Variants in ROBO1 observed in about 807,000 individuals in gnomAD.
The protein encoded by ROBO1 is roundabout guidance receptor 1.
Under a neutral mutation model 195.9 loss-of-function variants are expected in ROBO1, and 149 were observed. That is an observed-to-expected ratio of 0.76 (90% CI 0.67 to 0.87). The LOEUF (loss-of-function observed/expected upper bound fraction) is 0.87, where lower values mean the gene tolerates loss of function less well. ROBO1 is among the 40% of genes least tolerant of loss of function. The pLI, the probability that ROBO1 is intolerant of heterozygous loss-of-function variation, is 0.00. For synonymous variants in ROBO1, 816 were observed against 733.2 expected, an observed-to-expected ratio of 1.11 and a Z score of -1.82; for missense variants, 1,933 against 2,068.3, an observed-to-expected ratio of 0.93 and a Z score of 1.27.
chr3:79,364,238 A>ATG (rs2035879722), intron 2 of ROBO1, among the ~76,000 whole-genome samples: 1 of 145,734 alleles, frequency 6.9e-6, no homozygotes, highest in Admixed American at 6.8e-5. Context: ...GTGTGTGTGT[A>ATG]TATATATATA....
Position 78,943,133 on chromosome 3 carries a change from G to A in ROBO1, c.173-4206C>T, listed in dbSNP as rs184474999. ...CGAGAGGCTGAGGCAGGAGAATGGCGTGAACCTGGGAGGCGGAGCTTACAG... is the reference window on the plus strand; with the variant it reads ...CGAGAGGCTGAGGCAGGAGAATGGCATGAACCTGGGAGGCGGAGCTTACAG... On this transcript the variant is annotated intron_variant, in intron 3 of 30. Transcript: ENST00000464233. 5.9e-5 allele frequency among the ~76,000 whole-genome samples: 9 copies of A among 152,018 alleles called. No individual in the cohort carries two copies. The East Asian group carries it at 7.8e-4, about 13-fold the overall frequency.
intron 2 of ROBO1, among the ~76,000 whole-genome samples, chr3:79,559,454 G>C (rs1283641874): frequency 2.0e-5 from 3 of 151,994 alleles, no homozygotes; most frequent in African/African-American, 7.3e-5. Flanking sequence ...AATGCTCTTG[G>C]GCAAAGATTC....
intron 3 of ROBO1, among the ~76,000 whole-genome samples, chr3:78,982,065 A>G (rs947462820): frequency 6.6e-6 from 1 of 152,126 alleles, no homozygotes; most frequent in Non-Finnish European, 1.5e-5. Flanking sequence ...GCATAATTAG[A>G]CAACCTTTGT....
intron 2 of ROBO1, among the ~76,000 whole-genome samples, chr3:79,173,398 G>C (rs1368666268): frequency 4.6e-5 from 7 of 152,118 alleles, no homozygotes; most frequent in Non-Finnish European, 7.4e-5. Context: ...GCGAGTTCCA[G>C]GTGGGTGTGG....
At chr3:78,919,619 T>C (rs374309903) in intron 4 of ROBO1, among the ~76,000 whole-genome samples, 6 of 152,366 alleles carry the variant, frequency 3.9e-5, no homozygotes, top group African/African-American at 1.4e-4. Context: ...TGATCCTGCC[T>C]GGACATGATC....
intron 3 of ROBO1, among the ~76,000 whole-genome samples, chr3:79,051,209 A>C (rs945224765): frequency 1.3e-5 from 2 of 152,180 alleles, no homozygotes; most frequent in African/African-American, 4.8e-5. Context: ...GACACAATAA[A>C]AAATGATAAA....
At chr3:78,847,446 A>G (rs546839629) in intron 4 of ROBO1, among the ~76,000 whole-genome samples, 2 of 152,238 alleles carry the variant, frequency 1.3e-5, no homozygotes, top group African/African-American at 4.8e-5. Flanking sequence ...GAGTACCTGA[A>G]GTTGTACCTC....
At chr3:78,854,416 TAGAG>T (rs1351958793) in intron 4 of ROBO1, among the ~76,000 whole-genome samples, 5 of 150,282 alleles carry the variant, frequency 3.3e-5, no homozygotes, top group Non-Finnish European at 5.9e-5. Context: ...TGTGTACACA[TAGAG>T]AGAGACATAT....
chr3:78,797,439 C>T (rs958467086), intron 4 of ROBO1, among the ~76,000 whole-genome samples: 1 of 152,178 alleles, frequency 6.6e-6, no homozygotes, highest in African/African-American at 2.4e-5. Context: ...GTCAACTGCA[C>T]TTAAGGCTCA....
In ROBO1 at chr3:79,102,105, A is replaced by T. The variant is rs1194482748; in HGVS notation, c.172+23351T>A. 2.6e-5 allele frequency among the ~76,000 whole-genome samples: 4 copies of T among 151,942 alleles called. No homozygotes were observed. The East Asian group carries it at 5.8e-4, about 22-fold the overall frequency. ...CCATTTTTATTAAAATTATCTATAA[A>T]AGTGCACATAAAATATATACTATTT... is the stretch of plus-strand genomic sequence containing the variant. On this transcript the variant is annotated intron_variant, in intron 3 of 30. Transcript: ENST00000464233.
intron 4 of ROBO1, among the ~76,000 whole-genome samples, chr3:78,798,274 G>A (rs925040978): frequency 1.3e-5 from 2 of 152,112 alleles, no homozygotes; most frequent in African/African-American, 4.8e-5. Flanking sequence ...GTAGCAAAAA[G>A]CTACTTTTCT....
intron 4 of ROBO1, among the ~76,000 whole-genome samples, chr3:78,861,128 C>T (rs1422326782): frequency 6.6e-6 from 1 of 152,082 alleles, no homozygotes; most frequent in East Asian, 1.9e-4. Flanking sequence ...TTGGACATTC[C>T]ATGAACATCT....
chr3:78,714,017 T>C (rs996776562), intron 8 of ROBO1, among the ~76,000 whole-genome samples: 1 of 152,164 alleles, frequency 6.6e-6, no homozygotes, highest in South Asian at 2.1e-4. Context: ...GAAAGACTTG[T>C]TTTCCTCCAA....
chr3:78,823,708 ACT>A (rs762782823), intron 4 of ROBO1, among the ~76,000 whole-genome samples: 4 of 151,836 alleles, frequency 2.6e-5, no homozygotes, highest in Non-Finnish European at 5.9e-5. Flanking sequence ...TACCTAGCAT[ACT>A]CTTATCTCCA....
At chr3:78,678,627 A>G in intron 10 of ROBO1, among the ~76,000 whole-genome samples, 1 of 152,166 alleles carries the variant, frequency 6.6e-6, no homozygotes, top group Non-Finnish European at 1.5e-5. Flanking sequence ...TAAACCAGGA[A>G]GAAGTTGACT....
chr3:78,742,998 A>G (rs1219312207), intron 5 of ROBO1, among the ~76,000 whole-genome samples: 1 of 152,212 alleles, frequency 6.6e-6, no homozygotes, highest in African/African-American at 2.4e-5. Flanking sequence ...AGTTCCAAGA[A>G]TTTTTAAAAA....
Position 78,943,983 on chromosome 3 carries a change from G to C in ROBO1, c.173-5056C>G, listed in dbSNP as rs182837754. Among the ~76,000 whole-genome samples the C allele has an allele frequency of 2.1e-3, 318 of 152,192 alleles. 1 individual carries two copies. The highest frequency in any genetic ancestry group is 7.5e-3 in the African/African-American group (310 of 41,548). ...GGTAATCATCATCTTTATTAAAAAA[G>C]TATAATGAATTATTATTTGTTATAA... On this transcript the variant is annotated intron_variant, in intron 3 of 30. Transcript: ENST00000464233.
chr3:79,495,127 A>G (rs1334696633), intron 2 of ROBO1, among the ~76,000 whole-genome samples: 2 of 152,190 alleles, frequency 1.3e-5, no homozygotes, highest in African/African-American at 4.8e-5. Flanking sequence ...TCTAGATACT[A>G]TATTTAGTAG....
chr3:79,471,116 A>C (rs1476886420), intron 2 of ROBO1, among the ~76,000 whole-genome samples: 1 of 152,100 alleles, frequency 6.6e-6, no homozygotes, highest in Non-Finnish European at 1.5e-5. Context: ...AGAAGAAGGA[A>C]ACTGCACCCT....
Sources: gnomAD v4.1 joint callset for allele counts (sites outside exome capture counted in the v4.1 genomes callset) on GRCh38, gnomAD v4.1.1 for gene constraint, MANE v1.5 for transcripts, NCBI Gene and HGNC (gene_info 2026-07-23, HGNC 2026-07-21) for gene names.